MVB12B: variants seen among roughly 807,000 people sequenced by gnomAD.
The protein encoded by MVB12B is ESCRT-I complex subunit MVB12B.
MVB12B carries 16 observed loss-of-function variants against 41.6 expected under a neutral mutation model. The observed-to-expected ratio is 0.38, with a 90% CI of 0.26 to 0.58. The LOEUF is 0.58. Among genes scored for constraint, MVB12B ranks in the 20% least tolerant of loss-of-function variants. The pLI is 0.62. For synonymous variants in MVB12B, 133 were observed against 139.7 expected, an observed-to-expected ratio of 0.95 and a Z score of 0.34; for missense variants, 274 against 380.2, an observed-to-expected ratio of 0.72 and a Z score of 2.32.
At chr9:126,443,849 A>C (rs1832703186) in intron 7 of MVB12B, among the ~76,000 whole-genome samples, 1 of 152,344 alleles carries the variant, frequency 6.6e-6, no homozygotes, top group Admixed American at 6.5e-5. Context: ...GGAGTCCCAT[A>C]AGTTCACTTG....
chr9:126,493,903 G>C (rs917082468), intron 9 of MVB12B, among the ~76,000 whole-genome samples: 1 of 152,194 alleles, frequency 6.6e-6, no homozygotes, highest in Non-Finnish European at 1.5e-5. Flanking sequence ...CAGGCAGGCA[G>C]TTACGTCGCC....
chr9:126,357,333 G>A (rs1829908634), intron 2 of MVB12B, among the ~76,000 whole-genome samples: 2 of 152,164 alleles, frequency 1.3e-5, no homozygotes, highest in Admixed American at 6.5e-5. Context: ...GTCTGTGTGT[G>A]GACATACACA....
chr9:126,385,942 G>A (rs1376940743), intron 3 of MVB12B, among the ~76,000 whole-genome samples: 5 of 152,142 alleles, frequency 3.3e-5, no homozygotes, highest in Admixed American at 6.5e-5. Context: ...CCGAAACTGC[G>A]CACTGTGGAC....
At chr9:126,380,735 G>A (rs910640614) in intron 2 of MVB12B, among the ~76,000 whole-genome samples, 9 of 152,134 alleles carry the variant, frequency 5.9e-5, no homozygotes, top group South Asian at 4.1e-4. Flanking sequence ...CCATCCCCCC[G>A]AGTAAGTGGT....
intron 6 of MVB12B, among the ~76,000 whole-genome samples, chr9:126,401,322 ATCT>A (rs1347376523): frequency 6.6e-6 from 1 of 152,232 alleles, no homozygotes; most frequent in Non-Finnish European, 1.5e-5. Context: ...TATTGCAGTC[ATCT>A]TCCTGTAATT....
At chr9:126,484,355 C>T (rs1048862569) in intron 9 of MVB12B, among the ~76,000 whole-genome samples, 1 of 152,224 alleles carries the variant, frequency 6.6e-6, no homozygotes, top group African/African-American at 2.4e-5. Context: ...GGAGGACAGG[C>T]ACCAGGTTGA....
At position 126,506,890 on chromosome 9, in the gene MVB12B, T is replaced by G. The variant is rs1367297042; in HGVS notation, c.*3627T>G. On this transcript the variant is annotated 3_prime_UTR_variant, in exon 10 of 10. Transcript: ENST00000361171. ...AGGCCGTGGAGCTGCTGTGTGACTG[T>G]GTCAGGCCTGGACAAGGAAGACCCT... 6.6e-6 allele frequency: 1 copy of G among 152,626 alleles called. No homozygotes were observed. Among genetic ancestry groups the G allele is most frequent in the Non-Finnish European group, 1.5e-5 (1 of 68,070 alleles). 9.5% of individuals were successfully genotyped at this position (152,626 alleles called of 1,614,324 possible). A position where few individuals can be genotyped will look rare whatever the true frequency, so the allele number is the denominator to read the frequency against.
At chr9:126,503,043 G>A (rs1258369456) in intron 9 of MVB12B, 134 bp from the exon 10 acceptor site, 3 of 794,054 alleles carry the variant, frequency 3.8e-6, no homozygotes, top group Non-Finnish European at 6.5e-6. Context: ...GCACCGGCCT[G>A]GCCAGCTGCG....
At chr9:126,449,488 C>T (rs1037733144) in intron 7 of MVB12B, among the ~76,000 whole-genome samples, 2 of 152,184 alleles carry the variant, frequency 1.3e-5, no homozygotes, top group African/African-American at 4.8e-5. Flanking sequence ...CACAGCACCT[C>T]CTTGCTAAGG....
At chr9:126,412,702 C>T (rs972692572) in intron 6 of MVB12B, among the ~76,000 whole-genome samples, 2 of 152,184 alleles carry the variant, frequency 1.3e-5, no homozygotes, top group South Asian at 2.1e-4. Context: ...TCGTCAATAC[C>T]GTGAGCCTCT....
chr9:126,493,847 C>T (rs1247511953), intron 9 of MVB12B, among the ~76,000 whole-genome samples: 1 of 152,200 alleles, frequency 6.6e-6, no homozygotes, highest in Non-Finnish European at 1.5e-5. Context: ...CCTCTGGCTT[C>T]TTTTACTGTT....
chr9:126,451,131 G>C (rs990666449), intron 7 of MVB12B, among the ~76,000 whole-genome samples: 2 of 152,184 alleles, frequency 1.3e-5, no homozygotes, highest in African/African-American at 4.8e-5. Context: ...AAGAGGCTTG[G>C]CAGGCTGAGT....
intron 2 of MVB12B, among the ~76,000 whole-genome samples, chr9:126,341,301 T>G (rs985595421): frequency 2.0e-5 from 3 of 152,204 alleles, no homozygotes; most frequent in Non-Finnish European, 4.4e-5. Flanking sequence ...GAACTGGTTA[T>G]GTTGTTGTTT....
At chr9:126,373,908 C>A (rs1465790407) in intron 2 of MVB12B, among the ~76,000 whole-genome samples, 2 of 152,188 alleles carry the variant, frequency 1.3e-5, no homozygotes, top group African/African-American at 4.8e-5. Context: ...TGTGCAGAGC[C>A]AAACAGTGGT....
intron 9 of MVB12B, among the ~76,000 whole-genome samples, chr9:126,488,406 G>GCAT (rs1406594191): frequency 6.6e-6 from 1 of 151,116 alleles, no homozygotes; most frequent in African/African-American, 2.4e-5. Flanking sequence ...AGGTTCAGGG[G>GCAT]CATAGACCTT....
At chr9:126,464,154 A>AG (rs1491470649) in intron 7 of MVB12B, among the ~76,000 whole-genome samples, 19 of 152,174 alleles carry the variant, frequency 1.2e-4, no homozygotes, top group African/African-American at 4.6e-4. Flanking sequence ...GCTCATAATC[A>AG]GGGGAAGACA....
At chr9:126,359,791 G>C (rs370896841) in intron 2 of MVB12B, among the ~76,000 whole-genome samples, 14 of 151,884 alleles carry the variant, frequency 9.2e-5, no homozygotes, top group African/African-American at 3.4e-4. Flanking sequence ...TTCTTGCTCA[G>C]GCTGCCATCC....
intron 6 of MVB12B, chr9:126,396,396 G>A: frequency 2.0e-6 from 2 of 985,470 alleles, no homozygotes; most frequent in Non-Finnish European, 2.4e-6. Flanking sequence ...GCTTGAGAAA[G>A]GGATTGCAAA....
At chr9:126,493,973 G>A (rs1162313696) in intron 9 of MVB12B, among the ~76,000 whole-genome samples, 2 of 152,094 alleles carry the variant, frequency 1.3e-5, no homozygotes, top group Admixed American at 6.6e-5. Context: ...GCCATTGTCC[G>A]ACACCTCGGC....
Sources: gnomAD v4.1 joint callset for allele counts (sites outside exome capture counted in the v4.1 genomes callset) on GRCh38, gnomAD v4.1.1 for gene constraint, MANE v1.5 for transcripts, NCBI Gene and HGNC (gene_info 2026-07-23, HGNC 2026-07-21) for gene names.